The following RALGAPA1 variants were observed in gnomAD, a reference collection of about 807,000 sequenced individuals.
RALGAPA1 encodes the protein Ral GTPase activating protein catalytic subunit alpha 1.
A neutral mutation model predicts 269.6 loss-of-function variants in RALGAPA1; 52 were observed. The ratio of observed to expected loss-of-function variants is 0.19; its 90% confidence interval spans 0.15 to 0.24. The LOEUF is 0.24. Among genes scored for constraint, RALGAPA1 ranks in the 10% least tolerant of loss-of-function variants. The pLI is 1.00. For synonymous variants in RALGAPA1, 817 were observed against 1,008.3 expected (o/e 0.81, Z 3.60); for missense variants, 1,917 against 3,013.9 (o/e 0.64, Z 8.52).
At chr14:35,604,149 A>C (rs991641024) in intron 36 of RALGAPA1, among the ~76,000 whole-genome samples, 17 of 152,114 alleles carry the variant, frequency 1.1e-4, no homozygotes, top group African/African-American at 3.9e-4. Context: ...AAAATTTTTA[A>C]AAGAAATGAA....
chr14:35,692,471 C>T (rs1023703547), intron 17 of RALGAPA1, among the ~76,000 whole-genome samples: 6 of 150,244 alleles, frequency 4.0e-5, no homozygotes, highest in African/African-American at 9.7e-5. Context: ...TATTAGAAAA[C>T]GTAACCATTA....
At chr14:35,643,761 G>A (rs895061338) in intron 31 of RALGAPA1, among the ~76,000 whole-genome samples, 5 of 152,178 alleles carry the variant, frequency 3.3e-5, no homozygotes, top group African/African-American at 1.2e-4. Context: ...AAGTCATTAT[G>A]TTAAGTGAAA....
intron 1 of RALGAPA1, among the ~76,000 whole-genome samples, chr14:35,789,021 C>A (rs117977547): frequency 6.6e-6 from 1 of 152,110 alleles, no homozygotes; most frequent in Non-Finnish European, 1.5e-5. Flanking sequence ...AAAAGATACA[C>A]ATCTGCCCTC....
Position 35,546,922 on chromosome 14 carries a change from C to CT in RALGAPA1, c.*23+1585dup, listed in dbSNP as rs2054512751. 2.0e-5 allele frequency among the ~76,000 whole-genome samples: 3 copies of CT among 152,060 alleles called. 1 individual carries two copies. In the South Asian group the frequency reaches 6.2e-4, roughly 31 times the overall value. ...TTTCAGATTCTATGTTTTTGCTACT[C>CT]TTAAGAGTAAATATTTCATTTTTAT... On this transcript the variant is annotated intron_variant, in intron 41 of 41. Coordinates refer to ENST00000680220, the MANE Select transcript of RALGAPA1 (RefSeq NM_001346249.2).
chr14:35,681,745 A>C (rs933433811), intron 21 of RALGAPA1, among the ~76,000 whole-genome samples: 1 of 152,198 alleles, frequency 6.6e-6, no homozygotes, highest in African/African-American at 2.4e-5. Flanking sequence ...CACAAACAAA[A>C]TATAAAACAG....
intron 31 of RALGAPA1, among the ~76,000 whole-genome samples, chr14:35,643,105 T>C (rs1445879116): frequency 2.6e-5 from 4 of 151,284 alleles, no homozygotes; most frequent in Non-Finnish European, 5.9e-5. Flanking sequence ...CACCGCAAGT[T>C]CTCATTCATA....
At chr14:35,664,793 TA>T in intron 26 of RALGAPA1, 26 bp from the exon 27 acceptor site, 1 of 1,601,516 alleles carries the variant, frequency 6.2e-7, no homozygotes. Flanking sequence ...TTAAAAAGTT[TA>T]AAAATATATT....
intron 16 of RALGAPA1, among the ~76,000 whole-genome samples, chr14:35,712,240 C>CCA (rs1250426003): frequency 5.9e-4 from 34 of 57,370 alleles, no homozygotes; most frequent in African/African-American, 1.9e-3. Context: ...GAGCATGTCT[C>CCA]AAAAAAAAAA....
chr14:35,544,953 A>T (rs1257880513), intron 41 of RALGAPA1, among the ~76,000 whole-genome samples: 1 of 152,102 alleles, frequency 6.6e-6, no homozygotes, highest in Non-Finnish European at 1.5e-5. Context: ...AGGCTGAGGC[A>T]GGAGAATTGC....
chr14:35,573,389 T>C (rs2057353478), intron 37 of RALGAPA1, among the ~76,000 whole-genome samples: 1 of 152,180 alleles, frequency 6.6e-6, no homozygotes, highest in South Asian at 2.1e-4. Flanking sequence ...TATTATAAAA[T>C]TTCATTATAC....
intron 1 of RALGAPA1, among the ~76,000 whole-genome samples, chr14:35,795,506 A>T (rs1284445765): frequency 6.6e-6 from 1 of 152,220 alleles, no homozygotes; most frequent in African/African-American, 2.4e-5. Context: ...AAGCTGGACT[A>T]TAAAAATAAA....
At position 35,662,939 on chromosome 14, in the gene RALGAPA1, G is replaced by T. The variant is rs1041596371; in HGVS notation, c.5328+1703C>A. 1.7e-4 allele frequency among the ~76,000 whole-genome samples: 18 copies of T among 104,184 alleles called. No homozygotes were observed. In the East Asian group the frequency reaches 9.8e-3, roughly 57 times the overall value. The allele number at this position is 104,184 out of a possible 152,430, so 68.3% of individuals were successfully genotyped here. A position where few individuals can be genotyped will look rare whatever the true frequency, so the allele number is the denominator to read the frequency against. The stretch of plus-strand genomic sequence containing the variant: ...GTTTAACAAATGATTTCCTTTTTTG[G>T]GGGGGGGGTGGGACAAGGTCTTGCT... On this transcript the variant is annotated intron_variant, in intron 27 of 41. Transcript: ENST00000680220.
At chr14:35,724,929 G>A in intron 14 of RALGAPA1, 95 bp downstream of exon 14, 1 of 983,646 alleles carries the variant, frequency 1.0e-6, no homozygotes, top group South Asian at 3.0e-5. Context: ...AACAAGTTCA[G>A]GGTTCAATGA....
intron 25 of RALGAPA1, 73 bp downstream of exon 25, chr14:35,672,794 G>A (rs1462931581): frequency 1.5e-6 from 2 of 1,357,022 alleles, no homozygotes; most frequent in African/African-American, 1.5e-5. Context: ...AAAAGCAAGA[G>A]TTAAACAGAA....
At chr14:35,635,851 T>C (rs969545461) in intron 31 of RALGAPA1, among the ~76,000 whole-genome samples, 6 of 152,174 alleles carry the variant, frequency 3.9e-5, no homozygotes, top group African/African-American at 1.2e-4. Flanking sequence ...TTAAAATTAA[T>C]ATAAAAACAG....
chr14:35,624,346 TAC>T (rs1566854522), intron 35 of RALGAPA1, among the ~76,000 whole-genome samples: 1 of 151,954 alleles, frequency 6.6e-6, no homozygotes, highest in Non-Finnish European at 1.5e-5. Flanking sequence ...AGTTAGAAAT[TAC>T]AGGAAGTGAG....
intron 16 of RALGAPA1, among the ~76,000 whole-genome samples, chr14:35,707,828 A>G (rs1215371778): frequency 6.6e-6 from 1 of 152,136 alleles, no homozygotes; most frequent in Non-Finnish European, 1.5e-5. Flanking sequence ...GTTTTGGTAG[A>G]TTGTACCTTT....
chr14:35,720,986 T>A (rs2069364368), intron 16 of RALGAPA1, among the ~76,000 whole-genome samples: 1 of 151,980 alleles, frequency 6.6e-6, no homozygotes, highest in African/African-American at 2.4e-5. Flanking sequence ...TCAAAGAGAG[T>A]AAGAAAAGAG....
At chr14:35,551,716 T>G (rs2139136583) in intron 39 of RALGAPA1, among the ~76,000 whole-genome samples, 1 of 152,190 alleles carries the variant, frequency 6.6e-6, no homozygotes, top group Middle Eastern at 3.4e-3. Context: ...CTAAAATACA[T>G]TTTGCAGACT....
Sources: allele counts gnomAD v4.1 joint callset (sites outside exome capture counted in the v4.1 genomes callset), GRCh38; gene constraint gnomAD v4.1.1; transcripts MANE v1.5; gene names NCBI Gene and HGNC (gene_info 2026-07-23, HGNC 2026-07-21).